MSANTD2: variants seen among roughly 807,000 people sequenced by gnomAD.
MSANTD2 encodes Myb/SANT DNA binding domain containing 2.
In MSANTD2, 19 loss-of-function variants were observed where a neutral mutation model predicts 52.6. That is an observed-to-expected ratio of 0.36 (90% CI 0.25 to 0.53). MSANTD2 has a LOEUF of 0.53. Ranked by LOEUF, MSANTD2 falls within the 20% of genes least tolerant of loss-of-function variation. The probability of loss-of-function intolerance (pLI) is 0.91; values close to 1 mark genes in which losing one functional copy is unlikely to be tolerated. For synonymous variants in MSANTD2, 291 were observed against 289.7 expected (o/e 1.00, Z -0.04); for missense variants, 558 against 716.3 (o/e 0.78, Z 2.52).
intron 1 of MSANTD2, among the ~76,000 whole-genome samples, chr11:124,787,700 A>G (rs68065265): frequency 0.11 from 17,131 of 152,260 alleles, 1,022 homozygotes; most frequent in East Asian, 0.18. Flanking sequence ...ACCTAGGAGT[A>G]CCTATGAAAA....
Position 124,799,913 on chromosome 11 carries a change from C to T in MSANTD2, c.468G>A (p.Leu156=), listed in dbSNP as rs1463220355. The T allele has an allele frequency of 2.5e-6, 4 of 1,585,132 alleles. No individual in the cohort carries two copies. The highest frequency in any genetic ancestry group is 8.5e-7 in the Non-Finnish European group (1 of 1,173,944). ...YERVSRALAE[L]GYERTPSQCR... ...ACTGGGACGGGGTCCGCTCGTAGCC[C>T]AGCTCGGCCAGGGCCCGGGACACGC... The change falls in exon 1 of 4, where the codon CTG becomes CTA. Residue 156 remains leucine (L), a synonymous_variant. Coordinates refer to ENST00000374979, the MANE Select transcript of MSANTD2 (RefSeq NM_001308027.2).
At chr11:124,770,081 T>C (rs1944447289) in intron 3 of MSANTD2, among the ~76,000 whole-genome samples, 2 of 152,214 alleles carry the variant, frequency 1.3e-5, no homozygotes, top group Non-Finnish European at 2.9e-5. Context: ...GTCTGTTAGA[T>C]TTCCTGGTTT....
chr11:124,789,483 T>A (rs1378316925), intron 1 of MSANTD2: 2 of 152,176 alleles, frequency 1.3e-5, no homozygotes, highest in Non-Finnish European at 2.9e-5. Flanking sequence ...AAATATATAA[T>A]TTATGAATAC....
chr11:124,790,077 G>A (rs1945283485), intron 1 of MSANTD2: 1 of 152,136 alleles, frequency 6.6e-6, no homozygotes, highest in Admixed American at 6.5e-5. Flanking sequence ...ATTTTCCATA[G>A]AAAACAACTG....
chr11:124,791,731 T>C, intron 1 of MSANTD2: 1 of 823,554 alleles, frequency 1.2e-6, no homozygotes. Flanking sequence ...CCACAGAGAC[T>C]GGGGTGAAAA....
intron 1 of MSANTD2, among the ~76,000 whole-genome samples, chr11:124,793,658 A>G (rs1309834879): frequency 6.6e-6 from 1 of 152,230 alleles, no homozygotes; most frequent in Non-Finnish European, 1.5e-5. Flanking sequence ...GACAGTGCAA[A>G]TTCAGAACAC....
At chr11:124,770,630 G>C (rs1944480912) in intron 3 of MSANTD2, among the ~76,000 whole-genome samples, 1 of 151,842 alleles carries the variant, frequency 6.6e-6, no homozygotes, top group South Asian at 2.1e-4. Context: ...TTTCGAGACA[G>C]AGTCTTACTC....
chr11:124,778,053 C>A (rs1045972493), intron 1 of MSANTD2, among the ~76,000 whole-genome samples: 1 of 152,186 alleles, frequency 6.6e-6, no homozygotes, highest in African/African-American at 2.4e-5. Flanking sequence ...AGAGGTTACA[C>A]TTTCCACACT....
intron 1 of MSANTD2, chr11:124,775,899 T>C (rs937137496): frequency 2.0e-5 from 3 of 152,262 alleles, no homozygotes; most frequent in Non-Finnish European, 4.4e-5. Flanking sequence ...TTCTGATTAT[T>C]AGCCCAGTTT....
At position 124,767,796 on chromosome 11, in the gene MSANTD2, G is replaced by A; in HGVS notation, c.1060C>T (p.Pro354Ser). ...RLREYFNSEK[P>S]EGRIIMTRVQ... ...CGGGTCATAATGATCCGTCCTTCAG[G>A]CTTCTCAGAGTTGAAGTACTCCCGA... The change falls in exon 4 of 4, where the codon CCT becomes TCT. Residue 354 changes from proline (P) to serine (S), a missense_variant. Physicochemically the swap from Pro to Ser is moderately conservative, Grantham distance 74. Transcript: ENST00000374979. This position sits in a 1 kb window ranked among gnomAD's most constrained non-coding sequence, Gnocchi z 6.5. The A allele has an allele frequency of 3.1e-6, 5 of 1,614,194 alleles. No homozygotes were observed. Among genetic ancestry groups the A allele is most frequent in the Non-Finnish European group, 4.2e-6 (5 of 1,180,034 alleles).
At chr11:124,795,186 C>G (rs773410398) in intron 1 of MSANTD2, among the ~76,000 whole-genome samples, 15 of 152,114 alleles carry the variant, frequency 9.9e-5, no homozygotes, top group Admixed American at 3.9e-4. Flanking sequence ...GCCTCTTTTA[C>G]CATTTTTAAA....
Position 124,800,216 on chromosome 11 carries a change from C to G in MSANTD2, c.165G>C (p.Ala55=), listed in dbSNP as rs551930275. The change falls in exon 1 of 4, where the codon GCG becomes GCC. Residue 55 remains alanine (A), a synonymous_variant. Transcript: ENST00000374979. This position sits in a 1 kb window ranked among gnomAD's most constrained non-coding sequence, Gnocchi z 4.3. ...CGGACGCCGCTGCCCCCGAGCCCGC[C>G]GCACTGCCCGGCCCGAGCGGGGAGG... ...RGASPLGPGS[A]AGSGAAASGG... is the part of the protein sequence containing the mutation. 7 of 1,495,874 alleles carry G rather than the reference C, an allele frequency of 4.7e-6. No homozygotes were observed. The East Asian group carries it at 1.8e-4, about 38-fold the overall frequency. 92.7% of individuals were successfully genotyped at this position (1,495,874 alleles called of 1,614,324 possible). A position where few individuals can be genotyped will look rare whatever the true frequency, so the allele number is the denominator to read the frequency against.
intron 1 of MSANTD2, among the ~76,000 whole-genome samples, chr11:124,787,933 A>G (rs1472700226): frequency 6.6e-6 from 1 of 152,060 alleles, no homozygotes; most frequent in African/African-American, 2.4e-5. Context: ...ATCTCTACAA[A>G]AAAATACAAC....
At chr11:124,769,756 G>T (rs1354539020) in intron 3 of MSANTD2, among the ~76,000 whole-genome samples, 1 of 152,194 alleles carries the variant, frequency 6.6e-6, no homozygotes, top group East Asian at 1.9e-4. Context: ...GAAATCCCAT[G>T]CCCAAATCAC....
chr11:124,800,182 C>G lies in MSANTD2; in HGVS notation c.199G>C (p.Gly67Arg). 1 of 1,469,510 alleles carries G rather than the reference C, an allele frequency of 6.8e-7. No individual in the cohort carries two copies. The highest frequency in any genetic ancestry group is 9.0e-7 in the Non-Finnish European group (1 of 1,114,874). 91.0% of individuals were successfully genotyped at this position (1,469,510 alleles called of 1,614,324 possible). ...GSGAAASGGL[G>R]LGLGGRSAAS... ...GCGCTGCGGCCCCCCAGCCCCAGCC[C>G]GAGACCCCCGGACGCCGCTGCCCCC... is the stretch of plus-strand genomic sequence containing the variant. Residue 67 changes from glycine to arginine, a missense_variant, in exon 1 of 4, where the codon GGG (glycine) becomes CGG (arginine). Gly to Arg is a moderately radical substitution (Grantham distance 125, BLOSUM62 -2). This residue lies in a region of MSANTD2 where 150 missense variants were observed against 142.7 expected (regional missense o/e 1.05). Coordinates refer to ENST00000374979, the MANE Select transcript of MSANTD2 (RefSeq NM_001308027.2). This position sits in a 1 kb window ranked among gnomAD's most constrained non-coding sequence, Gnocchi z 4.3.
intron 1 of MSANTD2, among the ~76,000 whole-genome samples, chr11:124,798,712 G>A (rs1369559268): frequency 6.6e-6 from 1 of 152,108 alleles, no homozygotes; most frequent in Non-Finnish European, 1.5e-5. Flanking sequence ...TCTAACTCAT[G>A]ATTGCGCCTA....
intron 1 of MSANTD2, among the ~76,000 whole-genome samples, chr11:124,796,007 G>A (rs1945480678): frequency 6.6e-6 from 1 of 152,126 alleles, no homozygotes; most frequent in Admixed American, 6.5e-5. Context: ...ATACCAATAA[G>A]ATGACAGACA....
intron 1 of MSANTD2, among the ~76,000 whole-genome samples, chr11:124,786,095 C>CTTTTT (rs200399771): frequency 4.4e-5 from 5 of 114,406 alleles, no homozygotes; most frequent in African/African-American, 1.0e-4. Flanking sequence ...ATCATTTCTT[C>CTTTTT]TTTTTTTTTT....
rs1372183868 is a variant in MSANTD2 at position 124,772,953 on chromosome 11, T to C, written c.827+41A>G. Reference sequence around the variant, plus strand: ...TGATCTTCCCAATGGTCATTAAACTTAGGCAGACACACTTTCTGGAAAGGT... The same window carrying C: ...TGATCTTCCCAATGGTCATTAAACTCAGGCAGACACACTTTCTGGAAAGGT... On this transcript the variant is annotated intron_variant, in intron 3 of 3. Transcript: ENST00000374979. The C allele has an allele frequency of 2.3e-6, 3 of 1,276,670 alleles. No homozygotes were observed. The Admixed American group carries it at 5.1e-5, about 22-fold the overall frequency. 79.1% of individuals were successfully genotyped at this position (1,276,670 alleles called of 1,614,324 possible).
Sources: gnomAD v4.1 joint callset for allele counts (sites outside exome capture counted in the v4.1 genomes callset) on GRCh38, gnomAD v4.1.1 for gene constraint, gnomAD v4.1.1 regional missense constraint, Gnocchi (gnomAD v3.1) non-coding constraint, MANE v1.5 for transcripts, NCBI Gene and HGNC (gene_info 2026-07-23, HGNC 2026-07-21) for gene names.